Variants in CD164L2 observed in about 807,000 individuals in gnomAD.
CD164L2 encodes the protein CD164 molecule like 2.
A neutral mutation model predicts 23.9 loss-of-function variants in CD164L2; 21 were observed. The ratio of observed to expected loss-of-function variants is 0.88; its 90% CI spans 0.62 to 1.27. The LOEUF is 1.27. Among genes scored for constraint, CD164L2 ranks in the 50% most tolerant of loss-of-function variants. The pLI, the probability that CD164L2 is intolerant of heterozygous loss-of-function variation, is 0.00. For synonymous variants in CD164L2, 92 were observed against 90.2 expected, an observed-to-expected ratio of 1.02 and a Z score of -0.11; for missense variants, 230 against 224.8, an observed-to-expected ratio of 1.02 and a Z score of -0.15.
At chr1:27,382,096 A>C in intron 3 of CD164L2, 2 of 1,483,718 alleles carry the variant, frequency 1.3e-6, no homozygotes, top group Non-Finnish European at 1.8e-6. Context: ...TATGCCTTAA[A>C]CTAGAAGAAG....
At chr1:27,380,358 C>T (rs939807439) in intron 4 of CD164L2, among the ~76,000 whole-genome samples, 163 bp from the exon 5 acceptor site, 1 of 152,134 alleles carries the variant, frequency 6.6e-6, no homozygotes, top group African/African-American at 2.4e-5. Context: ...AGTTGGGAAG[C>T]GCCTGGTGGG....
chr1:27,379,429 T>G lies in CD164L2; in HGVS notation c.*74A>C. ...GTTTTTCCCGCCCCCGCCCCCCGCT[T>G]ACCCACAAGGGTGCCCAGAGGCCAC... On this transcript the variant is annotated 3_prime_UTR_variant, in exon 6 of 6. Transcript: ENST00000374030. The G allele has an allele frequency of 1.6e-4, 115 of 722,812 alleles. No individual in the cohort carries two copies. The highest frequency in any genetic ancestry group is 2.5e-4 in the Non-Finnish European group (108 of 427,566). The allele number at this position is 722,812 out of a possible 1,614,324, so 44.8% of individuals were successfully genotyped here.
intron 4 of CD164L2, among the ~76,000 whole-genome samples, chr1:27,381,030 G>A (rs2016326352): frequency 6.6e-6 from 1 of 152,244 alleles, no homozygotes; most frequent in South Asian, 2.1e-4. Context: ...ATCATTCTGG[G>A]ACAGTGGAAA....
intron 4 of CD164L2, among the ~76,000 whole-genome samples, 190 bp from the exon 5 acceptor site, chr1:27,380,385 G>T (rs1190980399): frequency 6.6e-6 from 1 of 152,210 alleles, no homozygotes; most frequent in Non-Finnish European, 1.5e-5. Flanking sequence ...AGTGGCAGGG[G>T]AGGGTGGGGT....
chr1:27,383,020 C>G, intron 1 of CD164L2, 132 bp downstream of exon 1: 2 of 720,154 alleles, frequency 2.8e-6, no homozygotes, highest in South Asian at 1.8e-5. Context: ...CCCTCTCCCA[C>G]CCCTGGAGGC....
chr1:27,382,048 A>ACT, intron 3 of CD164L2: 13 of 1,465,434 alleles, frequency 8.9e-6, no homozygotes, highest in Non-Finnish European at 1.2e-5. Flanking sequence ...TCCAGGAAGC[A>ACT]CTCCCTCTCA....
intron 4 of CD164L2, among the ~76,000 whole-genome samples, chr1:27,380,789 T>A (rs537032211): frequency 6.6e-6 from 1 of 152,314 alleles, no homozygotes; most frequent in South Asian, 2.1e-4. Flanking sequence ...AGGGGGAACA[T>A]GGCTGAGGGA....
rs1226870127 is a variant in CD164L2 at position 27,382,781 on chromosome 1, C to T, written c.89-114G>A. ...TCGCCCCTCTGCACACATCTGGGCT[C>T]TCACACTCACCCCTGGATCCCCAAG... is the stretch of plus-strand genomic sequence containing the variant. On this transcript the variant is annotated intron_variant, in intron 1 of 5. Coordinates refer to ENST00000374030, the MANE Select transcript of CD164L2 (RefSeq NM_001330448.1). 2.8e-5 allele frequency: 32 copies of T among 1,134,208 alleles called. 1 individual carries two copies. The highest frequency in any genetic ancestry group is 3.7e-5 in the Non-Finnish European group (30 of 816,636). The allele number at this position is 1,134,208 out of a possible 1,614,324, so 70.3% of individuals were successfully genotyped here. A position where few individuals can be genotyped will look rare whatever the true frequency, so the allele number is the denominator to read the frequency against.
In CD164L2 at chr1:27,383,134, G is replaced by A. The variant is rs1473092201; in HGVS notation, c.88+18C>T. 4.5e-6 allele frequency: 7 copies of A among 1,540,712 alleles called. No homozygotes were observed. Among genetic ancestry groups the A allele is most frequent in the Non-Finnish European group, 6.1e-6 (7 of 1,139,738 alleles). ...TCCGTCCCCGTCGAGCCCCTAGCCA[G>A]ACCCTGCCGCGAGTTACCAGCCACA... is the stretch of plus-strand genomic sequence containing the variant. On this transcript the variant is annotated intron_variant, in intron 1 of 5. Transcript: ENST00000374030.
At position 27,381,787 on chromosome 1, in the gene CD164L2, G is replaced by C. The variant is rs2016338936; in HGVS notation, c.366C>G (p.Val122=). Reference sequence around the variant, plus strand: ...TCTCCAGGGAGTACTCACCTGTTGTGACTGTCTTCGGTTCATAGGTGGGGT... The same window carrying C: ...TCTCCAGGGAGTACTCACCTGTTGTCACTGTCTTCGGTTCATAGGTGGGGT... ...HHHPTYEPKT[V]TTGSPPVPEA... is the part of the protein sequence containing the mutation. The change falls in exon 4 of 6, where the codon GTC becomes GTG. Residue 122 remains valine, a synonymous_variant. Coordinates refer to ENST00000374030, the MANE Select transcript of CD164L2 (RefSeq NM_001330448.1). 1 of 1,614,050 alleles carries C rather than the reference G, an allele frequency of 6.2e-7. No homozygotes were observed. Among genetic ancestry groups the C allele is most frequent in the African/African-American group, 1.3e-5 (1 of 75,012 alleles).
At position 27,380,155 on chromosome 1, in the gene CD164L2, G is replaced by A. The variant is rs147343428; in HGVS notation, c.414C>T (p.Asp138=). ...CGACACCTCCGATAAAGCTGGCCCC[G>A]TCAAATCCAGGGCTGTGGGCCTCAG... ...PVPEAHSPGF[D]GASFIGGVVL... is the part of the protein sequence containing the mutation. Residue 138 remains aspartate (D), a synonymous_variant, in exon 5 of 6, where the codon GAC becomes GAT. Transcript: ENST00000374030. 2.1e-4 allele frequency: 342 copies of A among 1,614,144 alleles called. No individual in the cohort carries two copies. The East Asian group carries it at 3.6e-3, about 17-fold the overall frequency.
At chr1:27,381,341 G>GA (rs917058368) in intron 4 of CD164L2, among the ~76,000 whole-genome samples, 14 of 152,320 alleles carry the variant, frequency 9.2e-5, no homozygotes, top group Admixed American at 3.3e-4. Context: ...GAGGGAGTGG[G>GA]AAGCAAAGGG....
rs748432705 is a variant in CD164L2 at position 27,382,310 on chromosome 1, G to T, written c.328+18C>A. 8 of 1,613,992 alleles carry T rather than the reference G, an allele frequency of 5.0e-6. No individual in the cohort carries two copies. Among genetic ancestry groups the T allele is most frequent in the Middle Eastern group, 1.6e-4 (1 of 6,082 alleles). On this transcript the variant is annotated intron_variant, in intron 3 of 5. Transcript: ENST00000374030. ...GGGAGACCCATGCAACTTGGCTTAG[G>T]TGCAAGAACCCCCTTACCTGGACAT...
At chr1:27,383,070 C>T (rs1284309087) in intron 1 of CD164L2, 82 bp downstream of exon 1, 31 of 1,203,768 alleles carry the variant, frequency 2.6e-5, no homozygotes, top group Non-Finnish European at 3.7e-5. Context: ...CAAGCCCAGG[C>T]TGCTCCTGGG....
chr1:27,382,334 A>C lies in CD164L2; in HGVS notation c.322T>G (p.Cys108Gly). ...GGTGCAAGAACCCCCTTACCTGGAC[A>C]TGCCTCTGAGCGGTTGTAGATGGAG... is the stretch of plus-strand genomic sequence containing the variant. Reference protein sequence around the residue: ...GCSIYNRSEACPAAHHHPTYE... With the variant: ...GCSIYNRSEAGPAAHHHPTYE... The change falls in exon 3 of 6, where the codon TGT becomes GGT. Residue 108 changes from cysteine (C) to glycine (G), a missense_variant. Physicochemically the swap from Cys to Gly is radical, Grantham distance 159. Transcript: ENST00000374030. The C allele has an allele frequency of 2.5e-6, 4 of 1,614,074 alleles. No individual in the cohort carries two copies. Among genetic ancestry groups the C allele is most frequent in the South Asian group, 1.1e-5 (1 of 91,084 alleles).
chr1:27,380,385 G>A (rs1190980399), intron 4 of CD164L2, among the ~76,000 whole-genome samples, 190 bp from the exon 5 acceptor site: 1 of 152,210 alleles, frequency 6.6e-6, no homozygotes, highest in Non-Finnish European at 1.5e-5. Flanking sequence ...AGTGGCAGGG[G>A]AGGGTGGGGT....
At position 27,379,180 on chromosome 1, in the gene CD164L2, G is replaced by C; in HGVS notation, c.*323C>G. ...CCCAAGACACAGGACATGAAGTGCA[G>C]TGCAGAGTTCCTTTATTTGGGGGCA... On this transcript the variant is annotated 3_prime_UTR_variant, in exon 6 of 6. Transcript: ENST00000374030. The C allele has an allele frequency of 2.0e-6, 1 of 500,666 alleles. No individual in the cohort carries two copies. Among genetic ancestry groups the C allele is most frequent in the South Asian group, 2.3e-5 (1 of 43,730 alleles). 31.0% of individuals were successfully genotyped at this position (500,666 alleles called of 1,614,324 possible).
In CD164L2 at chr1:27,379,430, A is replaced by AC; in HGVS notation, c.*72dup. 1 of 1,102,230 alleles carries AC rather than the reference A, an allele frequency of 9.1e-7. No homozygotes were observed. The highest frequency in any genetic ancestry group is 1.3e-6 in the Non-Finnish European group (1 of 757,238). The allele number at this position is 1,102,230 out of a possible 1,614,324, so 68.3% of individuals were successfully genotyped here. A position where few individuals can be genotyped will look rare whatever the true frequency, so the allele number is the denominator to read the frequency against. Reference sequence around the variant, plus strand: ...TTTTTCCCGCCCCCGCCCCCCGCTTACCCACAAGGGTGCCCAGAGGCCACC... The same window carrying AC: ...TTTTTCCCGCCCCCGCCCCCCGCTTACCCCACAAGGGTGCCCAGAGGCCACC... On this transcript the variant is annotated 3_prime_UTR_variant, in exon 6 of 6. Coordinates refer to ENST00000374030, the MANE Select transcript of CD164L2 (RefSeq NM_001330448.1).
At position 27,383,298 on chromosome 1, in the gene CD164L2, G is replaced by A; in HGVS notation, c.-59C>T. 1 of 1,147,962 alleles carries A rather than the reference G, an allele frequency of 8.7e-7. No individual in the cohort carries two copies. The highest frequency in any genetic ancestry group is 2.1e-5 in the Admixed American group (1 of 48,606). The allele number at this position is 1,147,962 out of a possible 1,614,324, so 71.1% of individuals were successfully genotyped here. ...GCCGGGATCGGTGGACAGCTGCCGGGCGCGTCCCTCCCAGACTGGGCTCGG... is the reference window on the plus strand; with the variant it reads ...GCCGGGATCGGTGGACAGCTGCCGGACGCGTCCCTCCCAGACTGGGCTCGG... On this transcript the variant is annotated 5_prime_UTR_variant, in exon 1 of 6. Transcript: ENST00000374030.
Sources: allele counts gnomAD v4.1 joint callset (sites outside exome capture counted in the v4.1 genomes callset), GRCh38; gene constraint gnomAD v4.1.1; transcripts MANE v1.5; gene names NCBI Gene and HGNC (gene_info 2026-07-23, HGNC 2026-07-21).